RAMP3: variants seen among roughly 807,000 people sequenced by gnomAD.
RAMP3 encodes receptor activity-modifying protein 3.
In RAMP3, 14 loss-of-function variants were observed where a neutral mutation model predicts 13.5. That is an observed-to-expected ratio of 1.04 (90% CI 0.69 to 1.63). The LOEUF is 1.63. Among genes scored for constraint, RAMP3 ranks in the 40% most tolerant of loss-of-function variants. The probability of loss-of-function intolerance (pLI) is 0.00; values close to 1 mark genes in which losing one functional copy is unlikely to be tolerated. For missense variants in RAMP3, 200 were observed against 204.8 expected (o/e 0.98, Z 0.14); for synonymous variants, 106 against 88.3 (o/e 1.20, Z -1.12).
chr7:45,161,104 G>A (rs113572910), intron 1 of RAMP3, among the ~76,000 whole-genome samples: 3 of 151,258 alleles, frequency 2.0e-5, no homozygotes, highest in Non-Finnish European at 4.4e-5. Flanking sequence ...GATGGCATGT[G>A]GTCCTCAAAG....
At chr7:45,167,043 C>T (rs1242262141) in intron 1 of RAMP3, among the ~76,000 whole-genome samples, 1 of 147,902 alleles carries the variant, frequency 6.8e-6, no homozygotes, top group Non-Finnish European at 1.5e-5. Flanking sequence ...CTGCAAGCTC[C>T]GCCTCCTGGG....
chr7:45,175,215 T>C (rs1374713699), intron 1 of RAMP3, among the ~76,000 whole-genome samples: 4 of 151,956 alleles, frequency 2.6e-5, no homozygotes, highest in Non-Finnish European at 5.9e-5. Flanking sequence ...CCATGCAGAG[T>C]GGCCAGAAGG....
chr7:45,182,743 C>T (rs1436945064), intron 2 of RAMP3, among the ~76,000 whole-genome samples: 1 of 152,156 alleles, frequency 6.6e-6, no homozygotes, highest in Non-Finnish European at 1.5e-5. Flanking sequence ...GAGAGACCCT[C>T]CTCTCAGGCT....
At position 45,175,613 on chromosome 7, in the gene RAMP3, C is replaced by T. The variant is rs1282094779; in HGVS notation, c.59-1696C>T. On this transcript the variant is annotated intron_variant, in intron 1 of 2. Transcript: ENST00000242249. ...TGCCTTGAGTCTGGGAACCCACGAC[C>T]CTGAACAGCTGGCAAGCCCTTTTGT... Among the ~76,000 whole-genome samples the T allele has an allele frequency of 4.6e-5, 7 of 152,288 alleles. No individual in the cohort carries two copies. The South Asian group carries it at 1.5e-3, about 32-fold the overall frequency.
intron 1 of RAMP3, among the ~76,000 whole-genome samples, chr7:45,167,074 C>A (rs1785977388): frequency 6.6e-6 from 1 of 151,216 alleles, no homozygotes; most frequent in Admixed American, 6.6e-5. Flanking sequence ...TCTCCTGCCT[C>A]AGCCTCCCCA....
chr7:45,163,574 G>A, intron 1 of RAMP3: 1 of 985,462 alleles, frequency 1.0e-6, no homozygotes, highest in Non-Finnish European at 1.2e-6. Context: ...GCTGGAGGCT[G>A]GGGTCAGCAG....
At chr7:45,177,122 T>G (rs1485360909) in intron 1 of RAMP3, among the ~76,000 whole-genome samples, 187 bp from the exon 2 acceptor site, 1 of 152,224 alleles carries the variant, frequency 6.6e-6, no homozygotes, top group Non-Finnish European at 1.5e-5. Flanking sequence ...CAGGTCCCTG[T>G]GTGGAGCCTC....
chr7:45,163,274 C>T (rs945887254), intron 1 of RAMP3: 3 of 985,336 alleles, frequency 3.0e-6, no homozygotes, highest in Non-Finnish European at 2.4e-6. Context: ...AGCCCCCAAG[C>T]CTCAGGGCTT....
In RAMP3 at chr7:45,172,095, G is replaced by T. The variant is rs1027194656; in HGVS notation, c.59-5214G>T. On this transcript the variant is annotated intron_variant, in intron 1 of 2. Transcript: ENST00000242249. Reference sequence around the variant, plus strand: ...CAGTACTCTTGGCCTGCCATGCCTGGTGCAGAACCTCCACCTTAGAAGTGG... The same window carrying T: ...CAGTACTCTTGGCCTGCCATGCCTGTTGCAGAACCTCCACCTTAGAAGTGG... Among the ~76,000 whole-genome samples the T allele has an allele frequency of 2.0e-5, 3 of 152,194 alleles. No homozygotes were observed. The South Asian group carries it at 6.2e-4, about 31-fold the overall frequency.
chr7:45,167,414 A>G (rs192769100), intron 1 of RAMP3, among the ~76,000 whole-genome samples: 6 of 152,318 alleles, frequency 3.9e-5, no homozygotes, highest in East Asian at 1.9e-4. Context: ...TCAATTTATC[A>G]TAAGTGTGAG....
intron 2 of RAMP3, among the ~76,000 whole-genome samples, chr7:45,178,466 A>G (rs1327250905): frequency 2.6e-5 from 4 of 152,204 alleles, no homozygotes; most frequent in African/African-American, 7.2e-5. Context: ...GACACTGACC[A>G]TGGCCCTGCC....
At chr7:45,163,599 A>C (rs1785904332) in intron 1 of RAMP3, 1 of 985,314 alleles carries the variant, frequency 1.0e-6, no homozygotes, top group Non-Finnish European at 1.2e-6. Context: ...GGGAATAGGA[A>C]GTTGGGGCCC....
intron 1 of RAMP3, among the ~76,000 whole-genome samples, chr7:45,176,546 G>A (rs1786190723): frequency 6.6e-6 from 1 of 152,106 alleles, no homozygotes; most frequent in Non-Finnish European, 1.5e-5. Flanking sequence ...GGAGCAGGGA[G>A]GTCCTGTCGT....
intron 1 of RAMP3, among the ~76,000 whole-genome samples, chr7:45,165,068 TC>T (rs1429962355): frequency 6.6e-6 from 1 of 152,204 alleles, no homozygotes; most frequent in African/African-American, 2.4e-5. Flanking sequence ...TTACTCCATT[TC>T]TTTTTCCTCT....
At chr7:45,170,303 A>G (rs1182552293) in intron 1 of RAMP3, among the ~76,000 whole-genome samples, 2 of 151,598 alleles carry the variant, frequency 1.3e-5, no homozygotes, top group Non-Finnish European at 2.9e-5. Context: ...AAGGCTGGGT[A>G]ATTGATTTGA....
intron 2 of RAMP3, among the ~76,000 whole-genome samples, chr7:45,179,786 C>T (rs765286339): frequency 2.6e-5 from 4 of 152,156 alleles, no homozygotes; most frequent in Non-Finnish European, 5.9e-5. Context: ...AGGGCTTGCC[C>T]GGTACTAGCA....
In RAMP3 at chr7:45,172,926, G is replaced by A. The variant is rs1682358017; in HGVS notation, c.59-4383G>A. ...CCACAAGAAGGTCAGCCTTGCTTAT[G>A]ACTTCTCAGAGAGGGGTCCCCCTCC... On this transcript the variant is annotated intron_variant, in intron 1 of 2. Coordinates refer to ENST00000242249, the MANE Select transcript of RAMP3 (RefSeq NM_005856.3). Among the ~76,000 whole-genome samples, 4 of 152,188 alleles carry A rather than the reference G, an allele frequency of 2.6e-5. No individual in the cohort carries two copies. The South Asian group carries it at 6.2e-4, about 24-fold the overall frequency.
chr7:45,183,799 T>C lies in RAMP3; in HGVS notation c.*387T>C. On this transcript the variant is annotated 3_prime_UTR_variant, in exon 3 of 3. Transcript: ENST00000242249. ...CCTTAGCCGCAGTCTAGGCCCTGCT[T>C]GGACTAGGACTCCTTGCTTGACCCC... The C allele has an allele frequency of 3.9e-6, 2 of 513,528 alleles. No individual in the cohort carries two copies. The highest frequency in any genetic ancestry group is 6.9e-6 in the Non-Finnish European group (2 of 291,862). The allele number at this position is 513,528 out of a possible 1,614,324, so 31.8% of individuals were successfully genotyped here.
In RAMP3 at chr7:45,177,256, TGGC is replaced by T. The variant is rs555579336; in HGVS notation, c.59-52_59-50del. The T allele has an allele frequency of 1.1e-4, 185 of 1,609,958 alleles. 1 individual carries two copies. The African/African-American group carries it at 2.2e-3, about 19-fold the overall frequency. On this transcript the variant is annotated intron_variant, in intron 1 of 2. Transcript: ENST00000242249. ...ATGGCCCCTTGGGCCTCCCCTGTCC[TGGC>T]ATCCCCAGTGTGAACTGTAGTGGAA...
Sources: allele counts gnomAD v4.1 joint callset (sites outside exome capture counted in the v4.1 genomes callset), GRCh38; gene constraint gnomAD v4.1.1; transcripts MANE v1.5; gene names NCBI Gene and HGNC (gene_info 2026-07-23, HGNC 2026-07-21).